UBR2: variants seen among roughly 807,000 people sequenced by gnomAD.
UBR2 encodes the protein E3 ubiquitin-protein ligase UBR2.
Under a neutral mutation model 247.9 loss-of-function variants are expected in UBR2, and 92 were observed. The observed-to-expected ratio is 0.37, with a 90% CI of 0.31 to 0.44. The LOEUF (loss-of-function observed/expected upper bound fraction) is 0.44, where lower values mean the gene tolerates loss of function less well. UBR2 is among the 20% of genes least tolerant of loss of function. The pLI, the probability that UBR2 is intolerant of heterozygous loss-of-function variation, is 1.00. For synonymous variants in UBR2, 672 were observed against 693.5 expected (o/e 0.97, Z 0.49); for missense variants, 1,613 against 2,112.6 (o/e 0.76, Z 4.64).
chr6:42,577,963 G>A (rs568574768), intron 2 of UBR2, among the ~76,000 whole-genome samples: 95 of 151,724 alleles, frequency 6.3e-4, no homozygotes, highest in African/African-American at 2.3e-3. Flanking sequence ...ACATATTTAT[G>A]GGGTATATGT....
At chr6:42,640,333 C>A in intron 16 of UBR2, 63 bp downstream of exon 16, 1 of 1,439,898 alleles carries the variant, frequency 6.9e-7, no homozygotes, top group Admixed American at 2.1e-5. Flanking sequence ...TTTGGAATCA[C>A]TTTGAAACAC....
intron 11 of UBR2, among the ~76,000 whole-genome samples, chr6:42,620,873 C>T (rs188734454): frequency 6.6e-6 from 1 of 152,134 alleles, no homozygotes; most frequent in Admixed American, 6.5e-5. Flanking sequence ...GGCGTGATCT[C>T]CACTCACTGC....
intron 11 of UBR2, among the ~76,000 whole-genome samples, chr6:42,618,472 T>G (rs1307502130): frequency 6.6e-6 from 1 of 152,214 alleles, no homozygotes; most frequent in Non-Finnish European, 1.5e-5. Context: ...ACCATATTAC[T>G]TTTATGTTAA....
chr6:42,620,136 C>T (rs1582558192), intron 11 of UBR2: 3 of 586,056 alleles, frequency 5.1e-6, no homozygotes, highest in East Asian at 1.4e-4. Context: ...CTGTTAATAA[C>T]GTATGAAAGT....
chr6:42,617,876 A>G (rs577742930), intron 11 of UBR2, among the ~76,000 whole-genome samples: 35 of 152,328 alleles, frequency 2.3e-4, no homozygotes, highest in African/African-American at 8.4e-4. Flanking sequence ...TCACAATTTG[A>G]GAAGTCCTCC....
In UBR2 at chr6:42,665,507, C is replaced by T. The variant is rs761145894; in HGVS notation, c.3797C>T (p.Thr1266Ile). 3.7e-6 allele frequency: 6 copies of T among 1,605,104 alleles called. No homozygotes were observed. In the South Asian group the frequency reaches 4.4e-5, roughly 12 times the overall value. ...CAGTTTCTTAGGAAAGAAGAAAGTACTCCTAGTAAGTTCTGGTAACCTGTT... is the reference window on the plus strand; with the variant it reads ...CAGTTTCTTAGGAAAGAAGAAAGTATTCCTAGTAAGTTCTGGTAACCTGTT... The part of the protein sequence containing the change: ...ALQFLRKEES[T>I]PNNASTKNSE... The change falls in exon 33 of 47, where the codon ACT becomes ATT. Residue 1266 changes from threonine to isoleucine, a missense_variant. This residue lies in a region of UBR2 where 1,524 missense variants were observed against 1,967.3 expected (regional missense o/e 0.77). Transcript: ENST00000372901.
chr6:42,604,932 C>G (rs1239683597), intron 5 of UBR2, among the ~76,000 whole-genome samples: 1 of 151,786 alleles, frequency 6.6e-6, no homozygotes, highest in Non-Finnish European at 1.5e-5. Flanking sequence ...GAGGCTGAGG[C>G]AGGAGGATCA....
At chr6:42,625,356 A>G (rs934998016) in intron 11 of UBR2, among the ~76,000 whole-genome samples, 1 of 151,924 alleles carries the variant, frequency 6.6e-6, no homozygotes, top group Admixed American at 6.6e-5. Flanking sequence ...CTTATTTTCT[A>G]TTTAATACAT....
At chr6:42,638,928 G>A (rs1796269657) in intron 15 of UBR2, among the ~76,000 whole-genome samples, 1 of 152,088 alleles carries the variant, frequency 6.6e-6, no homozygotes, top group African/African-American at 2.4e-5. Context: ...CTCTAAAAAT[G>A]TACTAATTTC....
At chr6:42,678,396 A>G in intron 40 of UBR2, 143 bp from the exon 41 acceptor site, 1 of 807,496 alleles carries the variant, frequency 1.2e-6, no homozygotes, top group Non-Finnish European at 1.9e-6. Context: ...TCCTATAATA[A>G]CACACACCCA....
intron 3 of UBR2, among the ~76,000 whole-genome samples, chr6:42,593,784 C>T (rs1369063002): frequency 6.6e-6 from 1 of 152,158 alleles, no homozygotes; most frequent in African/African-American, 2.4e-5. Flanking sequence ...GCAAATGCAG[C>T]ACCCTTAGAC....
chr6:42,614,460 C>A (rs1794411763), intron 8 of UBR2, among the ~76,000 whole-genome samples: 1 of 35,426 alleles, frequency 2.8e-5, no homozygotes, highest in Non-Finnish European at 6.4e-5. Flanking sequence ...ATGTATGGAA[C>A]AAATAAGTGT....
At chr6:42,614,234 A>C (rs199665993) in intron 8 of UBR2, among the ~76,000 whole-genome samples, 4,064 of 82,124 alleles carry the variant, frequency 0.049, 108 homozygotes, top group East Asian at 0.087. Context: ...ACACACACAC[A>C]CACACACACA....
chr6:42,631,942 T>G (rs893659151), intron 11 of UBR2, among the ~76,000 whole-genome samples: 9 of 139,434 alleles, frequency 6.5e-5, no homozygotes, highest in Non-Finnish European at 9.2e-5. Context: ...ATATACCATC[T>G]CTGCAAGAAT....
Position 42,640,031 on chromosome 6 carries a change from AATT to A in UBR2, c.1859-176_1859-174del, listed in dbSNP as rs1180068692. On this transcript the variant is annotated intron_variant, in intron 15 of 46. Transcript: ENST00000372901. Reference sequence around the variant, plus strand: ...GACAGAGCGAGACTCCGTCTCAAAAAATTAATAATAATAATAAGCCTCTTATGA... The same window carrying A: ...GACAGAGCGAGACTCCGTCTCAAAAAAATAATAATAATAAGCCTCTTATGA... Among the ~76,000 whole-genome samples, 35 of 152,110 alleles carry A rather than the reference AATT, an allele frequency of 2.3e-4. 1 individual carries two copies. The highest frequency in any genetic ancestry group is 2.2e-3 in the Admixed American group (33 of 15,268).
chr6:42,565,265 T>G (rs1332173979), intron 1 of UBR2, among the ~76,000 whole-genome samples: 1 of 152,144 alleles, frequency 6.6e-6, no homozygotes, highest in Non-Finnish European at 1.5e-5. Flanking sequence ...TAGAAGAGAT[T>G]GCCGAGAATG....
chr6:42,615,937 A>G, intron 9 of UBR2, 65 bp from the exon 10 acceptor site: 4 of 1,241,182 alleles, frequency 3.2e-6, no homozygotes, highest in Non-Finnish European at 3.3e-6. Flanking sequence ...TGTGGATCAC[A>G]TAACACTTGA....
intron 38 of UBR2, among the ~76,000 whole-genome samples, chr6:42,675,734 C>T (rs1487262816): frequency 2.0e-5 from 3 of 151,974 alleles, no homozygotes; most frequent in African/African-American, 7.3e-5. Flanking sequence ...CCGAGGTGGG[C>T]GGATTACCTG....
At chr6:42,602,756 G>A (rs913474347) in intron 4 of UBR2, among the ~76,000 whole-genome samples, 11 of 121,052 alleles carry the variant, frequency 9.1e-5, no homozygotes, top group Non-Finnish European at 1.8e-4. Flanking sequence ...TTTATGCTGT[G>A]TGTGCGTGTG....
Sources: gnomAD v4.1 joint callset for allele counts (sites outside exome capture counted in the v4.1 genomes callset) on GRCh38, gnomAD v4.1.1 for gene constraint, gnomAD v4.1.1 regional missense constraint, MANE v1.5 for transcripts, NCBI Gene and HGNC (gene_info 2026-07-23, HGNC 2026-07-21) for gene names.